VPS35L: variants seen among roughly 807,000 people sequenced by gnomAD.
The protein encoded by VPS35L is VPS35 endosomal protein-sorting factor-like.
VPS35L carries 83 observed loss-of-function variants against 133.0 expected under a neutral mutation model. The ratio of observed to expected loss-of-function variants is 0.62; its 90% CI spans 0.52 to 0.75. VPS35L has a LOEUF of 0.75. Among genes scored for constraint, VPS35L ranks in the 30% least tolerant of loss-of-function variants. The pLI is 0.00. For synonymous variants in VPS35L, 423 were observed against 449.9 expected, an observed-to-expected ratio of 0.94 and a Z score of 0.76; for missense variants, 1,083 against 1,206.8, an observed-to-expected ratio of 0.90 and a Z score of 1.52.
chr16:19,625,411 A>G (rs2151563010), intron 14 of VPS35L, among the ~76,000 whole-genome samples: 1 of 152,186 alleles, frequency 6.6e-6, no homozygotes, highest in African/African-American at 2.4e-5. Flanking sequence ...CACCTCTTAA[A>G]ATGGGGAAGA....
At chr16:19,557,694 C>T (rs944049633) in intron 1 of VPS35L, among the ~76,000 whole-genome samples, 1 of 152,030 alleles carries the variant, frequency 6.6e-6, no homozygotes, top group Admixed American at 6.6e-5. Context: ...GTGCTCTGAA[C>T]ATTTCCTTTT....
At chr16:19,675,987 C>T (rs1975051404) in intron 27 of VPS35L, among the ~76,000 whole-genome samples, 1 of 152,140 alleles carries the variant, frequency 6.6e-6, no homozygotes, top group African/African-American at 2.4e-5. Flanking sequence ...CACGGCTGCT[C>T]ATACCTGTAA....
At chr16:19,600,068 A>T (rs8046226) in intron 8 of VPS35L, among the ~76,000 whole-genome samples, 7,676 of 152,196 alleles carry the variant, frequency 0.05, 655 homozygotes, top group African/African-American at 0.17. Flanking sequence ...TGTAGATAGG[A>T]AGGTATTTAG....
In VPS35L at chr16:19,591,798, G is replaced by T; in HGVS notation, c.648G>T (p.Lys216Asn). 1 of 1,611,598 alleles carries T rather than the reference G, an allele frequency of 6.2e-7. No homozygotes were observed. ...KALKIVIQCS[K>N]LLSDTSVIQF... Reference sequence around the variant, plus strand: ...TTTTTCTCTTTTTTTAGTGTTCAAAGCTTCTTTCAGACACCAGTGTTATTC... The same window carrying T: ...TTTTTCTCTTTTTTTAGTGTTCAAATCTTCTTTCAGACACCAGTGTTATTC... Residue 216 changes from lysine to asparagine, a missense_variant, in exon 8 of 31, where the codon AAG becomes AAT. Transcript: ENST00000417362.
intron 26 of VPS35L, among the ~76,000 whole-genome samples, chr16:19,659,883 A>G (rs1974422935): frequency 6.6e-6 from 1 of 152,224 alleles, no homozygotes; most frequent in Non-Finnish European, 1.5e-5. Flanking sequence ...ATACGGAGAT[A>G]GAAAATGTTG....
chr16:19,645,513 T>G (rs931019617), intron 23 of VPS35L, among the ~76,000 whole-genome samples: 1 of 152,162 alleles, frequency 6.6e-6, no homozygotes, highest in African/African-American at 2.4e-5. Flanking sequence ...ATGGTCTCGA[T>G]CTGCTGACCT....
intron 8 of VPS35L, among the ~76,000 whole-genome samples, chr16:19,594,440 G>T (rs9937861): frequency 0.025 from 3,870 of 151,974 alleles, 175 homozygotes; most frequent in African/African-American, 0.089. Flanking sequence ...GGTCAGGAGT[G>T]CGAGACCAGA....
intron 28 of VPS35L, among the ~76,000 whole-genome samples, chr16:19,690,494 T>C (rs936869483): frequency 2.0e-5 from 3 of 152,152 alleles, no homozygotes; most frequent in Non-Finnish European, 4.4e-5. Flanking sequence ...GTAGTTGAAA[T>C]AGAAAATCTC....
chr16:19,581,674 A>ACCCCCCCC, intron 7 of VPS35L, 21 bp downstream of exon 7: 1 of 1,208,252 alleles, frequency 8.3e-7, no homozygotes, highest in Non-Finnish European at 1.1e-6. Context: ...GTGATCCCCC[A>ACCCCCCCC]CCCCCACCCA....
chr16:19,700,636 G>A lies in VPS35L; in HGVS notation c.*160G>A, dbSNP rs1446186347. On this transcript the variant is annotated 3_prime_UTR_variant, in exon 31 of 31. Transcript: ENST00000417362. ...CTTTGGCCTCTATCCAGGTTATTCT[G>A]ACAATGAAGAAATGGGAGTTGTCAG... The A allele has an allele frequency of 4.9e-6, 3 of 608,766 alleles. No homozygotes were observed. Among genetic ancestry groups the A allele is most frequent in the Non-Finnish European group, 5.8e-6 (2 of 346,320 alleles). 37.7% of individuals were successfully genotyped at this position (608,766 alleles called of 1,614,324 possible).
chr16:19,662,093 C>T (rs1294627058), intron 26 of VPS35L, among the ~76,000 whole-genome samples: 1 of 152,166 alleles, frequency 6.6e-6, no homozygotes, highest in East Asian at 1.9e-4. Context: ...GTCCCAGCCA[C>T]TTGGCAGGCT....
chr16:19,570,600 C>A (rs1456895478), intron 3 of VPS35L, among the ~76,000 whole-genome samples: 1 of 151,668 alleles, frequency 6.6e-6, no homozygotes, highest in Non-Finnish European at 1.5e-5. Flanking sequence ...TCTGAGCATT[C>A]CCATACGTAC....
chr16:19,571,847 C>CT (rs35851684), intron 3 of VPS35L, among the ~76,000 whole-genome samples: 25,796 of 144,428 alleles, frequency 0.18, 2,460 homozygotes, highest in African/African-American at 0.26. Context: ...GCCCAGCCAA[C>CT]TTTTTTTTTT....
At chr16:19,691,026 A>C (rs912339332) in intron 28 of VPS35L, among the ~76,000 whole-genome samples, 3 of 152,126 alleles carry the variant, frequency 2.0e-5, no homozygotes, top group African/African-American at 7.2e-5. Flanking sequence ...GGGACTCTGC[A>C]ATAAGGCAGT....
chr16:19,696,661 A>C (rs1009983700), intron 29 of VPS35L, among the ~76,000 whole-genome samples: 1 of 151,586 alleles, frequency 6.6e-6, no homozygotes, highest in Non-Finnish European at 1.5e-5. Context: ...CGGTGTTTGA[A>C]TATATCAGCT....
chr16:19,686,013 G>A (rs906539775), intron 28 of VPS35L, among the ~76,000 whole-genome samples: 2 of 152,206 alleles, frequency 1.3e-5, no homozygotes, highest in Non-Finnish European at 2.9e-5. Flanking sequence ...CAGAGGGAGC[G>A]AGGCTATATT....
At chr16:19,653,854 C>G (rs1974213115) in intron 26 of VPS35L, among the ~76,000 whole-genome samples, 1 of 152,230 alleles carries the variant, frequency 6.6e-6, no homozygotes, top group Non-Finnish European at 1.5e-5. Flanking sequence ...AGTCTTCATA[C>G]ATGGTTACTG....
rs1042183169 is a variant in VPS35L at position 19,633,558 on chromosome 16, G to A, written c.1635+386G>A. Among the ~76,000 whole-genome samples, 1 of 151,996 alleles carries A rather than the reference G, an allele frequency of 6.6e-6. No homozygotes were observed. Among genetic ancestry groups the A allele is most frequent in the Non-Finnish European group, 1.5e-5 (1 of 68,002 alleles). Reference sequence around the variant, plus strand: ...TTGAAACAGGGTCTCGCTCAGTCACGGAGGCTGGAGTGCAGTGGTGCGATC... The same window carrying A: ...TTGAAACAGGGTCTCGCTCAGTCACAGAGGCTGGAGTGCAGTGGTGCGATC... On this transcript the variant is annotated intron_variant, in intron 19 of 30. Transcript: ENST00000417362. This position sits in a 1 kb window ranked among gnomAD's most constrained non-coding sequence, Gnocchi z 4.1.
chr16:19,585,830 A>G lies in VPS35L; in HGVS notation c.639+4177A>G, dbSNP rs1296788897. On this transcript the variant is annotated intron_variant, in intron 7 of 30. Transcript: ENST00000417362. ...TTGTACACGCTTATTGGCCATTTGT[A>G]TATCTATAGTGAAATGTCTATTCAA... is the stretch of plus-strand genomic sequence containing the variant. Among the ~76,000 whole-genome samples, 17 of 152,138 alleles carry G rather than the reference A, an allele frequency of 1.1e-4. 1 individual carries two copies. The highest frequency in any genetic ancestry group is 1.1e-3 in the Admixed American group (17 of 15,264).
Sources: gnomAD v4.1 joint callset for allele counts (sites outside exome capture counted in the v4.1 genomes callset) on GRCh38, gnomAD v4.1.1 for gene constraint, Gnocchi (gnomAD v3.1) non-coding constraint, MANE v1.5 for transcripts, NCBI Gene and HGNC (gene_info 2026-07-23, HGNC 2026-07-21) for gene names.